The following PDCD6 variants were observed in gnomAD, a reference collection of about 807,000 sequenced individuals.
PDCD6 encodes programmed cell death 6.
Under a neutral mutation model 28.3 loss-of-function variants are expected in PDCD6, and 12 were observed. The observed-to-expected ratio is 0.42, with a 90% CI of 0.27 to 0.69. The LOEUF (loss-of-function observed/expected upper bound fraction) is 0.69, where lower values mean the gene tolerates loss of function less well. Among genes scored for constraint, PDCD6 ranks in the 30% least tolerant of loss-of-function variants. PDCD6 has a pLI of 0.22. For missense variants in PDCD6, 226 were observed against 269.9 expected (o/e 0.84, Z 1.14); for synonymous variants, 92 against 108.0 (o/e 0.85, Z 0.92).
chr5:311,621 AG>A, intron 5 of PDCD6: 1 of 532,066 alleles, frequency 1.9e-6, no homozygotes, highest in Non-Finnish European at 3.3e-6. Flanking sequence ...CCCATCTGCA[AG>A]ACGTGGTTTT....
rs1740609560 is a variant in PDCD6 at position 307,599 on chromosome 5, G to T, written c.367+839G>T. Among the ~76,000 whole-genome samples, 1 of 152,164 alleles carries T rather than the reference G, an allele frequency of 6.6e-6. No individual in the cohort carries two copies. Among genetic ancestry groups the T allele is most frequent in the South Asian group, 2.1e-4 (1 of 4,824 alleles). On this transcript the variant is annotated intron_variant, in intron 4 of 5. Coordinates refer to ENST00000264933, the MANE Select transcript of PDCD6 (RefSeq NM_013232.4). This position sits in a 1 kb window ranked among gnomAD's most constrained non-coding sequence, Gnocchi z 6.1. ...GGTTTTATTTACAGAGGAACAACGG[G>T]CATGTTTGGGGCCAGCCTGAGGCTG...
At chr5:303,172 C>T (rs747274311) in intron 2 of PDCD6, among the ~76,000 whole-genome samples, 23 of 151,870 alleles carry the variant, frequency 1.5e-4, no homozygotes, top group African/African-American at 9.7e-5. Context: ...AGTGGTGGCA[C>T]GTAGAGGCCT....
At chr5:287,639 GA>G in intron 2 of PDCD6, among the ~76,000 whole-genome samples, 1 of 152,152 alleles carries the variant, frequency 6.6e-6, no homozygotes, top group Admixed American at 6.5e-5. Context: ...AATATAAATT[GA>G]AAAATAGACC....
At chr5:281,572 G>T (rs1738563715) in intron 2 of PDCD6, among the ~76,000 whole-genome samples, 2 of 152,096 alleles carry the variant, frequency 1.3e-5, no homozygotes, top group South Asian at 4.1e-4. Context: ...GTGAGGAGCT[G>T]ATGTTATTTT....
intron 2 of PDCD6, among the ~76,000 whole-genome samples, chr5:278,376 C>T (rs1172147501): frequency 7.2e-5 from 11 of 151,930 alleles, no homozygotes; most frequent in African/African-American, 2.2e-4. Flanking sequence ...AGAAAATACA[C>T]GTGTCCTTAG....
intron 2 of PDCD6, among the ~76,000 whole-genome samples, chr5:293,003 A>C (rs1739401646): frequency 1.3e-5 from 2 of 152,138 alleles, no homozygotes; most frequent in South Asian, 2.1e-4. Context: ...TGGGCTTCTC[A>C]TTGGTGGCAT....
chr5:298,138 G>A (rs1313950353), intron 2 of PDCD6, among the ~76,000 whole-genome samples: 1 of 152,174 alleles, frequency 6.6e-6, no homozygotes, highest in Non-Finnish European at 1.5e-5. Flanking sequence ...CTCTGCTCAT[G>A]ATTTCAGGGG....
intron 2 of PDCD6, among the ~76,000 whole-genome samples, chr5:297,849 G>C (rs1739717513): frequency 6.6e-6 from 1 of 152,098 alleles, no homozygotes; most frequent in Admixed American, 6.5e-5. Context: ...AATACAAAAA[G>C]TATAGAATAT....
In PDCD6 at chr5:279,802, AAAAAC is replaced by A. The variant is rs1407676892; in HGVS notation, c.163+7031_163+7035del. On this transcript the variant is annotated intron_variant, in intron 2 of 5. Transcript: ENST00000264933. ...TAATGGCAAAAAAAAAAAAAAAAAA[AAAAAC>A]GAGGAGCCGGTGCTGCAGTTCATTA... is the stretch of plus-strand genomic sequence containing the variant. 1.5e-3 allele frequency among the ~76,000 whole-genome samples: 218 copies of A among 148,734 alleles called. 2 individuals carry two copies. Among genetic ancestry groups the A allele is most frequent in the African/African-American group, 5.3e-3 (205 of 38,720 alleles).
chr5:295,103 A>G (rs1739526143), intron 2 of PDCD6, among the ~76,000 whole-genome samples: 2 of 152,196 alleles, frequency 1.3e-5, no homozygotes, highest in South Asian at 2.1e-4. Context: ...GGGGCTGTAC[A>G]GCAAACACTA....
Position 277,388 on chromosome 5 carries a change from G to T in PDCD6, c.163+4616G>T, listed in dbSNP as rs1473481767. On this transcript the variant is annotated intron_variant, in intron 2 of 5. Coordinates refer to ENST00000264933, the MANE Select transcript of PDCD6 (RefSeq NM_013232.4). ...ACTATCTTGGCTCACTGCAAGCTCC[G>T]CCTCCTGGGTTCATGCCATTCTCCT... 2.8e-5 allele frequency among the ~76,000 whole-genome samples: 4 copies of T among 144,990 alleles called. No homozygotes were observed. The East Asian group carries it at 8.3e-4, about 30-fold the overall frequency.
At chr5:294,682 C>G (rs1739496742) in intron 2 of PDCD6, among the ~76,000 whole-genome samples, 1 of 152,256 alleles carries the variant, frequency 6.6e-6, no homozygotes, top group Non-Finnish European at 1.5e-5. Context: ...CATCCAGCAA[C>G]CCCGCTCCTG....
At chr5:299,783 T>C (rs1046883600) in intron 2 of PDCD6, among the ~76,000 whole-genome samples, 1 of 152,216 alleles carries the variant, frequency 6.6e-6, no homozygotes, top group Non-Finnish European at 1.5e-5. Context: ...TCTCCTCACC[T>C]GGTGATCCGC....
chr5:281,087 A>G (rs1397496918), intron 2 of PDCD6, among the ~76,000 whole-genome samples: 2 of 152,278 alleles, frequency 1.3e-5, no homozygotes, highest in Non-Finnish European at 2.9e-5. Context: ...AAATACTACT[A>G]AGTTTTTAAA....
At chr5:283,231 A>G (rs954221749) in intron 2 of PDCD6, among the ~76,000 whole-genome samples, 8 of 150,780 alleles carry the variant, frequency 5.3e-5, no homozygotes, top group Non-Finnish European at 1.2e-4. Context: ...GGAGGAGCTG[A>G]TGTTGTAGTT....
chr5:288,910 C>T (rs1739153112), intron 2 of PDCD6: 10 of 1,580,236 alleles, frequency 6.3e-6, no homozygotes, highest in Non-Finnish European at 8.6e-6. Context: ...AGAATCTCTC[C>T]AGTTTTACTG....
chr5:272,489 G>A (rs1737892672), intron 1 of PDCD6, among the ~76,000 whole-genome samples: 1 of 140,742 alleles, frequency 7.1e-6, no homozygotes, highest in African/African-American at 2.9e-5. Flanking sequence ...AGGAAGGAAG[G>A]GAAGGATTGA....
chr5:291,592 C>T (rs560580831), intron 2 of PDCD6, among the ~76,000 whole-genome samples: 2 of 151,552 alleles, frequency 1.3e-5, no homozygotes, highest in Admixed American at 6.6e-5. Context: ...CCCACCCACA[C>T]TGACGTGGCT....
chr5:314,575 T>TAGGAA lies in PDCD6; in HGVS notation c.*60_*61insAGGAA. On this transcript the variant is annotated 3_prime_UTR_variant, in exon 6 of 6. Coordinates refer to ENST00000264933, the MANE Select transcript of PDCD6 (RefSeq NM_013232.4). The stretch of plus-strand genomic sequence containing the variant: ...AAGAGCCAAAATGTCACAGTTCCTA[T>TAGGAA]CTGTGAGGGAATGGAGCACAGGTGC... 4 of 1,184,266 alleles carry TAGGAA rather than the reference T, an allele frequency of 3.4e-6. No homozygotes were observed. The highest frequency in any genetic ancestry group is 5.1e-6 in the Non-Finnish European group (4 of 791,330). 73.4% of individuals were successfully genotyped at this position (1,184,266 alleles called of 1,614,324 possible). A position where few individuals can be genotyped will look rare whatever the true frequency, so the allele number is the denominator to read the frequency against.
Sources: allele counts gnomAD v4.1 joint callset (sites outside exome capture counted in the v4.1 genomes callset), GRCh38; gene constraint gnomAD v4.1.1; non-coding constraint Gnocchi (gnomAD v3.1); transcripts MANE v1.5; gene names NCBI Gene and HGNC (gene_info 2026-07-23, HGNC 2026-07-21).